NRG3: variants seen among roughly 807,000 people sequenced by gnomAD.
NRG3 encodes the protein neuregulin 3.
Under a neutral mutation model 66.9 loss-of-function variants are expected in NRG3, and 31 were observed. That is an observed-to-expected ratio of 0.46 (90% CI 0.35 to 0.63). The LOEUF (loss-of-function observed/expected upper bound fraction) is 0.63, where lower values mean the gene tolerates loss of function less well. Ranked by LOEUF, NRG3 falls within the 20% of genes least tolerant of loss-of-function variation. The pLI is 0.00. For synonymous variants in NRG3, 393 were observed against 359.4 expected (o/e 1.09, Z -1.06); for missense variants, 910 against 878.9 (o/e 1.04, Z -0.45).
intron 2 of NRG3, among the ~76,000 whole-genome samples, chr10:82,501,657 A>G (rs992593429): frequency 6.6e-6 from 1 of 152,114 alleles, no homozygotes; most frequent in African/African-American, 2.4e-5. Context: ...TTATTTTCCC[A>G]GAAAGTACCA....
At chr10:81,970,362 G>A (rs2059888991) in intron 1 of NRG3, among the ~76,000 whole-genome samples, 1 of 152,156 alleles carries the variant, frequency 6.6e-6, no homozygotes, top group Non-Finnish European at 1.5e-5. Context: ...GTAGTGAAGT[G>A]CAAAATAATT....
intron 2 of NRG3, among the ~76,000 whole-genome samples, chr10:82,555,082 T>G (rs1456646984): frequency 3.3e-5 from 5 of 152,184 alleles, no homozygotes; most frequent in African/African-American, 1.2e-4. Flanking sequence ...CCAATTGCCA[T>G]ATGGCCAGTC....
intron 3 of NRG3, among the ~76,000 whole-genome samples, chr10:82,780,335 CCA>C (rs1450628739): frequency 6.6e-6 from 1 of 152,146 alleles, no homozygotes; most frequent in Non-Finnish European, 1.5e-5. Context: ...ACACTCCCAC[CCA>C]CAGTGTAAAA....
chr10:82,613,826 A>C, intron 2 of NRG3, among the ~76,000 whole-genome samples: 1 of 130,802 alleles, frequency 7.6e-6, no homozygotes, highest in South Asian at 3.1e-4. Flanking sequence ...TCCTAATGCT[A>C]TCCCTCCCCC....
intron 4 of NRG3, among the ~76,000 whole-genome samples, chr10:82,910,079 C>G (rs1845176925): frequency 6.6e-6 from 1 of 152,196 alleles, no homozygotes; most frequent in African/African-American, 2.4e-5. Context: ...CAATCATATT[C>G]TGGCCATGAA....
chr10:82,053,337 G>C (rs1428774714), intron 1 of NRG3, among the ~76,000 whole-genome samples: 2 of 152,126 alleles, frequency 1.3e-5, no homozygotes, highest in Admixed American at 6.6e-5. Flanking sequence ...GGAGTCGATG[G>C]TTGGAGGGGC....
chr10:82,307,920 G>A (rs757126353), intron 1 of NRG3, among the ~76,000 whole-genome samples: 21 of 149,952 alleles, frequency 1.4e-4, no homozygotes, highest in Non-Finnish European at 2.8e-4. Flanking sequence ...TTATTACTTC[G>A]TTAATTTATT....
chr10:82,340,227 C>T (rs530307727), intron 1 of NRG3, among the ~76,000 whole-genome samples: 1 of 152,264 alleles, frequency 6.6e-6, no homozygotes. Flanking sequence ...ATTTCCTATG[C>T]AAAGGCTGCA....
At chr10:81,933,107 C>CAAAAAAAAAAAA (rs769607380) in intron 1 of NRG3, among the ~76,000 whole-genome samples, 2 of 59,518 alleles carry the variant, frequency 3.4e-5, no homozygotes, top group African/African-American at 1.0e-4. Context: ...CGCTCCATCT[C>CAAAAAAAAAAAA]AAAAAAAAAA....
chr10:82,863,495 A>G (rs752200328), intron 3 of NRG3, among the ~76,000 whole-genome samples: 3 of 152,026 alleles, frequency 2.0e-5, no homozygotes, highest in Non-Finnish European at 2.9e-5. Context: ...AAGTGTTCCT[A>G]TTTCTCCACG....
At chr10:82,779,231 A>C (rs551809793) in intron 3 of NRG3, among the ~76,000 whole-genome samples, 1 of 152,260 alleles carries the variant, frequency 6.6e-6, no homozygotes, top group South Asian at 2.1e-4. Context: ...TTTCAGTAAC[A>C]AAGATTATAG....
At chr10:81,938,642 C>T (rs1080785) in intron 1 of NRG3, among the ~76,000 whole-genome samples, 1,975 of 145,432 alleles carry the variant, frequency 0.014, 22 homozygotes, top group African/African-American at 0.032. Context: ...TGTGTGTGTG[C>T]ATGCATGCAT....
chr10:82,932,118 T>G (rs1404805701), intron 4 of NRG3, among the ~76,000 whole-genome samples: 1 of 152,188 alleles, frequency 6.6e-6, no homozygotes, highest in Non-Finnish European at 1.5e-5. Flanking sequence ...TTCCATCTCC[T>G]TCTCTCCATT....
rs144739680 is a variant in NRG3, at chr10:82,529,658, T to C, written c.953+170790T>C. Among the ~76,000 whole-genome samples the C allele has an allele frequency of 3.6e-3, 545 of 152,304 alleles. 2 individuals are homozygous for C. Among genetic ancestry groups the C allele is most frequent in the African/African-American group, 0.013 (526 of 41,570 alleles). On this transcript the variant is annotated intron_variant, in intron 2 of 8. Transcript: ENST00000372141. Reference sequence around the variant, plus strand: ...CATGTACTTGAGCAAAATGTTTCTCTACATTTAGCATCCTCCATGGGAACT... The same window carrying C: ...CATGTACTTGAGCAAAATGTTTCTCCACATTTAGCATCCTCCATGGGAACT...
intron 2 of NRG3, among the ~76,000 whole-genome samples, chr10:82,538,487 A>G (rs1360263622): frequency 1.3e-5 from 2 of 152,186 alleles, no homozygotes; most frequent in Admixed American, 6.5e-5. Context: ...ACCATGATAT[A>G]ATCAGACTCT....
At chr10:82,857,753 T>C (rs2063889223) in intron 3 of NRG3, among the ~76,000 whole-genome samples, 1 of 152,238 alleles carries the variant, frequency 6.6e-6, no homozygotes, top group Admixed American at 6.5e-5. Flanking sequence ...TTTGTGAAGA[T>C]GTATAAATCT....
intron 1 of NRG3, among the ~76,000 whole-genome samples, chr10:82,175,471 C>G (rs2072958384): frequency 6.6e-6 from 1 of 152,154 alleles, no homozygotes; most frequent in Non-Finnish European, 1.5e-5. Context: ...CCTCTAAATG[C>G]TGAATACATC....
intron 4 of NRG3, among the ~76,000 whole-genome samples, chr10:82,870,570 G>A (rs1368150766): frequency 6.6e-6 from 1 of 152,148 alleles, no homozygotes; most frequent in African/African-American, 2.4e-5. Flanking sequence ...GAGAGTTCCT[G>A]TTGCTCCACA....
chr10:82,244,085 A>G (rs772863432), intron 1 of NRG3, among the ~76,000 whole-genome samples: 52 of 152,314 alleles, frequency 3.4e-4, no homozygotes, highest in Non-Finnish European at 3.4e-4. Context: ...TTAGAATCCT[A>G]TGTTCTTTTC....
Sources: allele counts gnomAD v4.1 joint callset (sites outside exome capture counted in the v4.1 genomes callset), GRCh38; gene constraint gnomAD v4.1.1; transcripts MANE v1.5; gene names NCBI Gene and HGNC (gene_info 2026-07-23, HGNC 2026-07-21).